PCLO: variants seen among roughly 807,000 people sequenced by gnomAD.
PCLO encodes the protein protein piccolo.
A neutral mutation model predicts 427.5 loss-of-function variants in PCLO; 82 were observed. That is an observed-to-expected ratio of 0.19 (90% CI 0.16 to 0.23). The LOEUF is 0.23. PCLO is among the 10% of genes least tolerant of loss of function. PCLO has a pLI of 1.00. For synonymous variants in PCLO, 2,357 were observed against 2,155.4 expected, an observed-to-expected ratio of 1.09 and a Z score of -2.59; for missense variants, 6,239 against 6,115.9, an observed-to-expected ratio of 1.02 and a Z score of -0.67.
rs74663367 is a variant in PCLO at position 82,978,994 on chromosome 7, A to G, written c.3301-12507T>C. ...TGTATAATTCATATGCAAAAGATAA[A>G]TATCAGTTATAGAATTTAGGCTGAA... On this transcript the variant is annotated intron_variant, in intron 3 of 24. Transcript: ENST00000333891. Among the ~76,000 whole-genome samples, 452 of 152,170 alleles carry G rather than the reference A, an allele frequency of 3.0e-3. 1 individual carries two copies. Among genetic ancestry groups the G allele is most frequent in the African/African-American group, 0.01 (427 of 41,540 alleles).
At chr7:82,980,173 C>T (rs958540071) in intron 3 of PCLO, among the ~76,000 whole-genome samples, 1 of 148,760 alleles carries the variant, frequency 6.7e-6, no homozygotes, top group Middle Eastern at 3.2e-3. Flanking sequence ...CACACCTGCT[C>T]AGTGTTTCCT....
At chr7:82,924,361 T>A (rs1244296826) in intron 6 of PCLO, among the ~76,000 whole-genome samples, 1 of 152,072 alleles carries the variant, frequency 6.6e-6, no homozygotes, top group African/African-American at 2.4e-5. Context: ...TTCTTAACTA[T>A]TAAATTATCA....
At chr7:83,002,882 A>G (rs930715268) in intron 3 of PCLO, among the ~76,000 whole-genome samples, 9 of 151,804 alleles carry the variant, frequency 5.9e-5, no homozygotes, top group Non-Finnish European at 4.4e-5. Context: ...TAAGCAAGAG[A>G]TTAAAAATAA....
intron 22 of PCLO, among the ~76,000 whole-genome samples, chr7:82,797,223 C>G (rs1791242857): frequency 6.6e-6 from 1 of 152,018 alleles, no homozygotes; most frequent in Non-Finnish European, 1.5e-5. Flanking sequence ...ATTTGTTCTT[C>G]AAAGGTATAC....
intron 8 of PCLO, among the ~76,000 whole-genome samples, chr7:82,903,261 T>G (rs1400456789): frequency 6.6e-6 from 1 of 151,984 alleles, no homozygotes; most frequent in Admixed American, 6.6e-5. Context: ...ATTGTACTTC[T>G]GCTGAGCACA....
At chr7:82,985,764 A>G (rs1313500836) in intron 3 of PCLO, among the ~76,000 whole-genome samples, 1 of 151,998 alleles carries the variant, frequency 6.6e-6, no homozygotes, top group Non-Finnish European at 1.5e-5. Context: ...AAGGGTAGAA[A>G]GTCGAGACTT....
At position 83,038,025 on chromosome 7, in the gene PCLO, A is replaced by ATATATATTTATATT. The variant is rs1562932933; in HGVS notation, c.3301-71539_3301-71538insAATATAAATATATA. On this transcript the variant is annotated intron_variant, in intron 3 of 24. Coordinates refer to ENST00000333891, the MANE Select transcript of PCLO (RefSeq NM_033026.6). Reference sequence around the variant, plus strand: ...TATATATATATATATATATATATATATATATTTATATATTTATATATATAT... The same window carrying ATATATATTTATATT: ...TATATATATATATATATATATATATATATATATTTATATTTATATTTATATATTTATATATATAT... Among the ~76,000 whole-genome samples, 180 of 49,090 alleles carry ATATATATTTATATT rather than the reference A, an allele frequency of 3.7e-3. 25 individuals carry two copies. Among genetic ancestry groups the ATATATATTTATATT allele is most frequent in the Middle Eastern group, 6.8e-3 (1 of 146 alleles). 32.2% of individuals were successfully genotyped at this position (49,090 alleles called of 152,430 possible).
In PCLO at chr7:82,951,233, A is replaced by T. The variant is rs1331155220; in HGVS notation, c.9355T>A (p.Ser3119Thr). Residue 3119 changes from serine (S) to threonine (T), a missense_variant, in exon 6 of 25, where the codon TCT (serine) becomes ACT (threonine). Physicochemically the swap from Ser to Thr is moderately conservative, Grantham distance 58. Around this residue, in one of 5 missense-constraint regions of PCLO, gnomAD observed 4,677 missense variants for 4,468.4 expected, o/e 1.05. Coordinates refer to ENST00000333891, the MANE Select transcript of PCLO (RefSeq NM_033026.6). ...ACTGCATCAGCCGTATGAATACCAGACAAATCCCTCACTGTGGTGCTGAAA... is the reference window on the plus strand; with the variant it reads ...ACTGCATCAGCCGTATGAATACCAGTCAAATCCCTCACTGTGGTGCTGAAA... ...SIFSTTVRDL[S>T]GIHTADAVTS... 3 of 1,613,574 alleles carry T rather than the reference A, an allele frequency of 1.9e-6. No homozygotes were observed. The African/African-American group carries it at 4.0e-5, about 22-fold the overall frequency.
intron 2 of PCLO, among the ~76,000 whole-genome samples, chr7:83,146,744 G>A (rs1188272441): frequency 6.6e-6 from 1 of 151,984 alleles, no homozygotes; most frequent in Non-Finnish European, 1.5e-5. Context: ...GGGATTACAG[G>A]TGCCCACCAC....
chr7:82,820,928 T>C (rs780590971), intron 20 of PCLO: 44 of 1,229,598 alleles, frequency 3.6e-5, no homozygotes, highest in Non-Finnish European at 4.4e-5. Flanking sequence ...CTGTAGTCAA[T>C]ATATTACGGG....
chr7:83,105,570 T>C (rs1456983487), intron 3 of PCLO, among the ~76,000 whole-genome samples: 1 of 152,170 alleles, frequency 6.6e-6, no homozygotes, highest in Non-Finnish European at 1.5e-5. Context: ...AGAGTGCCAA[T>C]GAACCCTGGA....
At chr7:82,963,187 A>T (rs2115634668) in intron 4 of PCLO, among the ~76,000 whole-genome samples, 1 of 152,184 alleles carries the variant, frequency 6.6e-6, no homozygotes, top group East Asian at 1.9e-4. Flanking sequence ...GGAAATTATC[A>T]TATGATTATG....
intron 10 of PCLO, among the ~76,000 whole-genome samples, chr7:82,853,587 T>C (rs753306809): frequency 1.3e-5 from 2 of 152,192 alleles, no homozygotes; most frequent in African/African-American, 2.4e-5. Flanking sequence ...CTCTGTGTAA[T>C]ATTTACCATT....
In PCLO at chr7:83,087,005, G is replaced by A. The variant is rs576550534; in HGVS notation, c.3300+47245C>T. ...ACACCGCATGTTCTCACTCATAGGTGGGAACTGAACAATGAAAACACTTGG... is the reference window on the plus strand; with the variant it reads ...ACACCGCATGTTCTCACTCATAGGTAGGAACTGAACAATGAAAACACTTGG... On this transcript the variant is annotated intron_variant, in intron 3 of 24. Transcript: ENST00000333891. 9.1e-4 allele frequency among the ~76,000 whole-genome samples: 135 copies of A among 147,734 alleles called. No individual in the cohort carries two copies. In the Middle Eastern group the frequency reaches 0.011, roughly 12 times the overall value.
chr7:82,827,916 T>C lies in PCLO; in HGVS notation c.14300A>G (p.Glu4767Gly). The C allele has an allele frequency of 6.2e-7, 1 of 1,604,488 alleles. No homozygotes were observed. The part of the protein sequence containing the change: ...TKHVQKSLNP[E>G]WNQTVIYKSI... ...TTTATAAATTACTGTTTGATTCCAC[T>C]CAGGATTAAGACTTTTCTGGACATG... Residue 4767 changes from glutamate (E) to glycine (G), a missense_variant, in exon 17 of 25, where the codon GAG becomes GGG. Physicochemically the swap from Glu to Gly is moderately conservative, Grantham distance 98 (BLOSUM62 -2). Transcript: ENST00000333891.
At position 83,162,603 on chromosome 7, in the gene PCLO, G is replaced by C; in HGVS notation, c.-11C>G. 6.5e-7 allele frequency: 1 copy of C among 1,529,660 alleles called. No homozygotes were observed. The highest frequency in any genetic ancestry group is 8.8e-7 in the Non-Finnish European group (1 of 1,139,982). The allele number at this position is 1,529,660 out of a possible 1,614,324, so 94.8% of individuals were successfully genotyped here. A position where few individuals can be genotyped will look rare whatever the true frequency, so the allele number is the denominator to read the frequency against. Reference sequence around the variant, plus strand: ...CGCCTCGTTGCCCATGGCTCAGGGAGACTCGGGGCCGCCGCGCTCCCTCCT... The same window carrying C: ...CGCCTCGTTGCCCATGGCTCAGGGACACTCGGGGCCGCCGCGCTCCCTCCT... On this transcript the variant is annotated 5_prime_UTR_variant, in exon 1 of 25. Transcript: ENST00000333891.
At chr7:83,072,769 G>C (rs939351451) in intron 3 of PCLO, among the ~76,000 whole-genome samples, 1 of 151,932 alleles carries the variant, frequency 6.6e-6, no homozygotes, top group South Asian at 2.1e-4. Flanking sequence ...GTTTCCACTT[G>C]CTGATGCCTC....
At chr7:82,965,682 A>G (rs1181646291) in intron 4 of PCLO, 89 bp downstream of exon 4, 3 of 784,136 alleles carry the variant, frequency 3.8e-6, no homozygotes, top group African/African-American at 3.5e-5. Flanking sequence ...CTTCACTTAT[A>G]TAATTACCAT....
intron 22 of PCLO, among the ~76,000 whole-genome samples, chr7:82,776,252 G>A (rs1455039235): frequency 2.0e-5 from 3 of 152,000 alleles, no homozygotes; most frequent in Non-Finnish European, 4.4e-5. Flanking sequence ...TTGAGCTAAG[G>A]GCATGAGCCA....
Sources: gnomAD v4.1 joint callset for allele counts (sites outside exome capture counted in the v4.1 genomes callset) on GRCh38, gnomAD v4.1.1 for gene constraint, gnomAD v4.1.1 regional missense constraint, MANE v1.5 for transcripts, NCBI Gene and HGNC (gene_info 2026-07-23, HGNC 2026-07-21) for gene names.